Variants in STARD13 observed in about 807,000 individuals in gnomAD.
The protein encoded by STARD13 is StAR related lipid transfer domain containing 13.
In STARD13, 62 loss-of-function variants were observed where a neutral mutation model predicts 106.4. That is an observed-to-expected ratio of 0.58 (90% CI 0.48 to 0.72). The LOEUF (loss-of-function observed/expected upper bound fraction) is 0.72. Among genes scored for constraint, STARD13 ranks in the 30% least tolerant of loss-of-function variants. The probability of loss-of-function intolerance (pLI) is 0.00; values close to 1 mark genes in which losing one functional copy is unlikely to be tolerated. For missense variants in STARD13, 1,387 were observed against 1,424.0 expected, an observed-to-expected ratio of 0.97 and a Z score of 0.42; for synonymous variants, 565 against 553.0, an observed-to-expected ratio of 1.02 and a Z score of -0.31.
At chr13:33,619,212 TCAAA>T in the STARD13 span, among the ~76,000 whole-genome samples, 25 of 152,126 alleles carry the variant, frequency 1.6e-4, no homozygotes, top group Non-Finnish European at 2.4e-4. Flanking sequence ...AAAACTGTAC[TCAAA>T]CAGCCCTAAC....
chr13:33,209,719 C>A (rs1425465474), intron 1 of STARD13, among the ~76,000 whole-genome samples: 1 of 152,090 alleles, frequency 6.6e-6, no homozygotes. Flanking sequence ...ACGTGCACTC[C>A]CAACACTTTG....
Position 33,130,900 on chromosome 13 carries a change from G to A in STARD13, c.388-611C>T, listed in dbSNP as rs149543713. 5.1e-4 allele frequency among the ~76,000 whole-genome samples: 77 copies of A among 152,268 alleles called. 1 individual carries two copies. The highest frequency in any genetic ancestry group is 1.5e-3 in the African/African-American group (64 of 41,558). On this transcript the variant is annotated intron_variant, in intron 4 of 13. Transcript: ENST00000336934. The surrounding 1 kb of genome is among the most constrained non-coding windows in gnomAD (Gnocchi z 4.1). Reference sequence around the variant, plus strand: ...AGATGAGGGAGCCATTCTGGAGATCGCTATTTGTGATCCAATCCGGCTACT... The same window carrying A: ...AGATGAGGGAGCCATTCTGGAGATCACTATTTGTGATCCAATCCGGCTACT...
chr13:33,610,097 G>A, the STARD13 span, among the ~76,000 whole-genome samples: 5 of 152,116 alleles, frequency 3.3e-5, no homozygotes, highest in East Asian at 1.9e-4. Context: ...TAAAGTGGCC[G>A]GTTAAGTGCA....
rs1874443202 is a variant in STARD13 at position 33,110,878 on chromosome 13, A to G, written c.2637T>C (p.Arg879=). ...EVPHELVAQS[R]NSYVEAEIHV... Reference sequence around the variant, plus strand: ...GGATCTCAGCCTCCACATACGAGTTACGAGACTGGGCCACCAACTCGTGTG... The same window carrying G: ...GGATCTCAGCCTCCACATACGAGTTGCGAGACTGGGCCACCAACTCGTGTG... The change falls in exon 11 of 14, where the codon CGT becomes CGC. Residue 879 remains arginine (R), a synonymous_variant. Transcript: ENST00000336934. 1 of 1,613,332 alleles carries G rather than the reference A, an allele frequency of 6.2e-7. No homozygotes were observed. The highest frequency in any genetic ancestry group is 1.3e-5 in the African/African-American group (1 of 74,898).
chr13:33,499,567 C>A, the STARD13 span, among the ~76,000 whole-genome samples: 1 of 64,866 alleles, frequency 1.5e-5, no homozygotes, highest in Non-Finnish European at 3.2e-5. Context: ...TCTTCTTCTT[C>A]TTCTTCTTCT....
intron 1 of STARD13, among the ~76,000 whole-genome samples, chr13:33,220,848 T>C (rs762941931): frequency 1.8e-4 from 27 of 152,242 alleles, no homozygotes; most frequent in South Asian, 4.1e-4. Context: ...AGCATTTTTA[T>C]ATTAACAGAA....
chr13:33,118,145 A>G lies in STARD13; in HGVS notation c.2201T>C (p.Met734Thr), dbSNP rs749001679. 6.8e-6 allele frequency: 11 copies of G among 1,614,136 alleles called. No homozygotes were observed. Among genetic ancestry groups the G allele is most frequent in the African/African-American group, 2.7e-5 (2 of 74,944 alleles). The change falls in exon 8 of 14, where the codon ATG becomes ACG. Residue 734 changes from methionine to threonine, a missense_variant. Transcript: ENST00000336934. ...EDQSAYDVAD[M>T]VKQFFRDLPE... ...GAGGTCCCGGAAGAACTGTTTCACC[A>G]TATCCGCCACATCATAAGCAGACTG...
the STARD13 span, among the ~76,000 whole-genome samples, chr13:33,411,768 C>T: frequency 1.4e-3 from 212 of 152,326 alleles, no homozygotes; most frequent in Non-Finnish European, 2.5e-3. Flanking sequence ...GTAATATGCA[C>T]TTAAGTTTCC....
intron 1 of STARD13, among the ~76,000 whole-genome samples, chr13:33,172,660 C>T (rs1331214869): frequency 6.6e-6 from 1 of 152,152 alleles, no homozygotes; most frequent in Non-Finnish European, 1.5e-5. Context: ...TAAGTATGTA[C>T]ATTTTGTTTT....
At chr13:33,462,626 C>T in the STARD13 span, among the ~76,000 whole-genome samples, 2 of 152,352 alleles carry the variant, frequency 1.3e-5, no homozygotes, top group Non-Finnish European at 2.9e-5. Context: ...TGGTAAACCA[C>T]TGGTAAAAGT....
chr13:33,117,839 G>A (rs936065824), intron 8 of STARD13: 2 of 984,926 alleles, frequency 2.0e-6, no homozygotes, highest in Non-Finnish European at 2.4e-6. Flanking sequence ...TTTTGAGAAG[G>A]AATATTTTGA....
intron 7 of STARD13, among the ~76,000 whole-genome samples, chr13:33,119,745 T>A (rs982292030): frequency 6.6e-6 from 1 of 152,254 alleles, no homozygotes; most frequent in Non-Finnish European, 1.5e-5. Flanking sequence ...TTCAGGCTGA[T>A]AATATTGTCA....
chr13:33,207,550 G>T (rs1280243999), intron 1 of STARD13, among the ~76,000 whole-genome samples: 1 of 152,188 alleles, frequency 6.6e-6, no homozygotes, highest in East Asian at 1.9e-4. Flanking sequence ...TGTAGAGAGA[G>T]AGGCTTTCTG....
chr13:33,443,943 T>C, the STARD13 span, among the ~76,000 whole-genome samples: 127 of 150,134 alleles, frequency 8.5e-4, 1 homozygote, highest in Admixed American at 3.6e-3. Flanking sequence ...ATGTGACTTA[T>C]GGATAGACAA....
chr13:33,480,026 A>T, the STARD13 span, among the ~76,000 whole-genome samples: 4 of 152,232 alleles, frequency 2.6e-5, no homozygotes, highest in African/African-American at 9.6e-5. Context: ...GCAATGTGAG[A>T]ATGAACTAAT....
chr13:33,148,701 G>C (rs1880870241), intron 3 of STARD13, among the ~76,000 whole-genome samples: 1 of 152,282 alleles, frequency 6.6e-6, no homozygotes, highest in Admixed American at 6.5e-5. Context: ...TCATATACTC[G>C]AGAAATTGCA....
At chr13:33,426,259 G>T in the STARD13 span, among the ~76,000 whole-genome samples, 1 of 152,162 alleles carries the variant, frequency 6.6e-6, no homozygotes. Context: ...TTTATAACAT[G>T]AAGTTAATTA....
the STARD13 span, among the ~76,000 whole-genome samples, chr13:33,554,182 TACTC>T: frequency 6.6e-6 from 1 of 152,206 alleles, no homozygotes; most frequent in South Asian, 2.1e-4. Context: ...GAACATTAAA[TACTC>T]AGGAGATGTA....
chr13:33,610,281 C>G, the STARD13 span, among the ~76,000 whole-genome samples: 2 of 152,058 alleles, frequency 1.3e-5, no homozygotes. Flanking sequence ...AAGGTGGGGC[C>G]TTACTGTATC....
Sources: gnomAD v4.1 joint callset for allele counts (sites outside exome capture counted in the v4.1 genomes callset) on GRCh38, gnomAD v4.1.1 for gene constraint, Gnocchi (gnomAD v3.1) non-coding constraint, MANE v1.5 for transcripts, NCBI Gene and HGNC (gene_info 2026-07-23, HGNC 2026-07-21) for gene names.